The following TPO variants were observed in gnomAD, a reference collection of about 807,000 sequenced individuals.
TPO encodes thyroid peroxidase, also known as thyroid microsomal antigen.
Under a neutral mutation model 96.9 loss-of-function variants are expected in TPO, and 78 were observed. That is an observed-to-expected ratio of 0.81 (90% confidence interval 0.67 to 0.97). The LOEUF is 0.97. Among genes scored for constraint, TPO ranks in the 50% least tolerant of loss-of-function variants. TPO has a pLI of 0.00. For missense variants in TPO, 1,252 were observed against 1,274.8 expected, an observed-to-expected ratio of 0.98 and a Z score of 0.27; for synonymous variants, 547 against 538.0, an observed-to-expected ratio of 1.02 and a Z score of -0.23.
chr2:1,402,047 T>C (rs1476711835), intron 1 of TPO, among the ~76,000 whole-genome samples: 1 of 152,164 alleles, frequency 6.6e-6, no homozygotes, highest in Non-Finnish European at 1.5e-5. Context: ...CTGCTCCTCA[T>C]CTGGATCAGA....
intron 8 of TPO, among the ~76,000 whole-genome samples, chr2:1,483,874 T>C (rs926032849): frequency 2.0e-5 from 3 of 152,216 alleles, no homozygotes; most frequent in Non-Finnish European, 4.4e-5. Context: ...AAGAAACATA[T>C]TACAAGTGTG....
intron 7 of TPO, among the ~76,000 whole-genome samples, chr2:1,462,556 GAT>G (rs1282086137): frequency 7.1e-6 from 1 of 140,660 alleles, no homozygotes; most frequent in African/African-American, 3.0e-5. Context: ...ATCAATGAAA[GAT>G]AAATGAACAG....
At chr2:1,528,535 C>T (rs1192947390) in intron 15 of TPO, among the ~76,000 whole-genome samples, 2 of 146,532 alleles carry the variant, frequency 1.4e-5, no homozygotes, top group African/African-American at 5.2e-5. Flanking sequence ...TGTACAACCT[C>T]CTCAAATCCC....
At chr2:1,448,550 G>A (rs1573230319) in intron 5 of TPO, among the ~76,000 whole-genome samples, 1 of 152,138 alleles carries the variant, frequency 6.6e-6, no homozygotes, top group South Asian at 2.1e-4. Flanking sequence ...GTCCACAGCC[G>A]GCCATCGTAA....
intron 13 of TPO, among the ~76,000 whole-genome samples, chr2:1,498,144 C>T (rs1421713622): frequency 2.0e-5 from 3 of 152,294 alleles, no homozygotes; most frequent in East Asian, 1.9e-4. Context: ...ACAAAATTTC[C>T]ATTTCAATTT....
chr2:1,508,143 C>T (rs1422344267), intron 14 of TPO, among the ~76,000 whole-genome samples: 2 of 152,026 alleles, frequency 1.3e-5, no homozygotes, highest in South Asian at 4.1e-4. Flanking sequence ...TTGAGATAAT[C>T]ATGTGGTTTT....
intron 7 of TPO, among the ~76,000 whole-genome samples, chr2:1,476,531 G>A (rs1251808282): frequency 6.6e-6 from 1 of 152,186 alleles, no homozygotes; most frequent in African/African-American, 2.4e-5. Flanking sequence ...ACAAAACTCG[G>A]AGACTGTTTA....
rs1252306521 is a variant in TPO, at chr2:1,477,369, C to G, written c.1103C>G (p.Pro368Arg). The G allele has an allele frequency of 6.5e-7, 1 of 1,534,804 alleles. No homozygotes were observed. The highest frequency in any genetic ancestry group is 1.2e-5 in the South Asian group (1 of 83,440). ...DSGRAYLPFV[P>R]PRAPAACAPE... is the part of the protein sequence containing the mutation. ...GGCCGCGCCTACCTGCCCTTCGTGC[C>G]GCCACGCGCGCCTGCGGCCTGTGCG... Residue 368 changes from proline (P) to arginine (R), a missense_variant, in exon 8 of 17, where the codon CCG (proline) becomes CGG (arginine). By Grantham distance (103) the Pro-to-Arg change is moderately radical (BLOSUM62 -2). Coordinates refer to ENST00000329066, the MANE Select transcript of TPO (RefSeq NM_001206744.2).
intron 9 of TPO, 36 bp from the exon 10 acceptor site, chr2:1,487,785 A>T (rs1671314983): frequency 1.2e-6 from 2 of 1,613,936 alleles, no homozygotes; most frequent in African/African-American, 2.7e-5. Context: ...GAACTGAGCC[A>T]AGAGCTGTCC....
At chr2:1,537,967 CCTTCTCAAATCCCCCCACTCTGTGCAA>C in intron 15 of TPO, among the ~76,000 whole-genome samples, 1 of 99,100 alleles carries the variant, frequency 1.0e-5, no homozygotes, top group Non-Finnish European at 1.9e-5. Context: ...GTGTGTGCAA[CCTTCTCAAATCCCCCCACTCTGTGCAA>C]CCCCCCCAAA....
At chr2:1,440,768 A>G (rs376044692) in intron 5 of TPO, among the ~76,000 whole-genome samples, 7 of 151,272 alleles carry the variant, frequency 4.6e-5, no homozygotes, top group African/African-American at 1.7e-4. Context: ...AGGACGTACT[A>G]TGTTGTAAGT....
intron 1 of TPO, among the ~76,000 whole-genome samples, chr2:1,405,923 T>C (rs565741794): frequency 2.6e-5 from 4 of 152,238 alleles, no homozygotes; most frequent in Non-Finnish European, 5.9e-5. Context: ...CCTTTGTGGT[T>C]TTTTCTACAG....
rs1384862920 is a variant in TPO at position 1,400,901 on chromosome 2, G to A, written n.180+26499G>A. On this transcript the variant is annotated intron_variant and non_coding_transcript_variant, in intron 1 of 5. Coordinates refer to the TPO transcript ENST00000497517. ...AAAAGCTGGATTCCTTTCTAATCAT[G>A]TATCCTTGTGGCAAAAAATCCAGCA... Among the ~76,000 whole-genome samples, 4 of 152,278 alleles carry A rather than the reference G, an allele frequency of 2.6e-5. No individual in the cohort carries two copies. The South Asian group carries it at 6.2e-4, about 24-fold the overall frequency.
intron 14 of TPO, among the ~76,000 whole-genome samples, chr2:1,512,826 G>A (rs1674298573): frequency 6.6e-6 from 1 of 152,198 alleles, no homozygotes; most frequent in Non-Finnish European, 1.5e-5. Flanking sequence ...CAGGAGCTGG[G>A]AGGTGAACAG....
chr2:1,475,613 C>T (rs947988626), intron 7 of TPO, among the ~76,000 whole-genome samples: 72 of 152,126 alleles, frequency 4.7e-4, no homozygotes, highest in Non-Finnish European at 2.4e-4. Context: ...TAAGTAGAGA[C>T]GGGGTTTCAC....
At chr2:1,536,995 ACCTCAAATCCCCCCACTGTGTGCAACGT>A (rs1679839921) in intron 15 of TPO, among the ~76,000 whole-genome samples, 1 of 34,164 alleles carries the variant, frequency 2.9e-5, no homozygotes, top group Non-Finnish European at 5.1e-5. Flanking sequence ...ACTGTGTGCA[ACCTCAAATCCCCCCACTGTGTGCAACGT>A]CCTCAAATAC....
chr2:1,529,783 C>A (rs1677615997), intron 15 of TPO, among the ~76,000 whole-genome samples: 2 of 92,610 alleles, frequency 2.2e-5, no homozygotes, highest in African/African-American at 4.3e-5. Flanking sequence ...AATCCCCCCA[C>A]TGTGAGCAAC....
At chr2:1,428,933 C>T (rs1169554992) in intron 3 of TPO, among the ~76,000 whole-genome samples, 1 of 152,120 alleles carries the variant, frequency 6.6e-6, no homozygotes, top group Non-Finnish European at 1.5e-5. Context: ...TGGCTGGCAT[C>T]CATGAACTAT....
chr2:1,522,491 G>A (rs371751670), intron 15 of TPO, among the ~76,000 whole-genome samples: 22 of 142,500 alleles, frequency 1.5e-4, no homozygotes, highest in African/African-American at 4.2e-4. Flanking sequence ...ACACCGGCCC[G>A]CCACCGTGCC....
Sources: gnomAD v4.1 joint callset for allele counts (sites outside exome capture counted in the v4.1 genomes callset) on GRCh38, gnomAD v4.1.1 for gene constraint, MANE v1.5 for transcripts, NCBI Gene and HGNC (gene_info 2026-07-23, HGNC 2026-07-21) for gene names.